Variants in IFT81 observed in about 807,000 individuals in gnomAD.
IFT81 encodes intraflagellar transport 81.
Under a neutral mutation model 102.6 loss-of-function variants are expected in IFT81, and 72 were observed. The observed-to-expected ratio is 0.70, with a 90% CI of 0.58 to 0.85. The LOEUF (loss-of-function observed/expected upper bound fraction) is 0.85. Ranked by LOEUF, IFT81 falls within the 40% of genes least tolerant of loss-of-function variation. The pLI, the probability that IFT81 is intolerant of heterozygous loss-of-function variation, is 0.00. For synonymous variants in IFT81, 237 were observed against 242.7 expected (o/e 0.98, Z 0.22); for missense variants, 723 against 787.3 (o/e 0.92, Z 0.98).
chr12:110,169,570 G>A (rs1896639736), intron 11 of IFT81, among the ~76,000 whole-genome samples: 1 of 152,134 alleles, frequency 6.6e-6, no homozygotes, highest in Admixed American at 6.6e-5. Flanking sequence ...GCTTTCTTCA[G>A]TAATGGAGCA....
At chr12:110,158,875 A>G in intron 10 of IFT81, among the ~76,000 whole-genome samples, 1 of 151,666 alleles carries the variant, frequency 6.6e-6, no homozygotes, top group Non-Finnish European at 1.5e-5. Flanking sequence ...GGCGTGAGCC[A>G]CCGCGCCCGG....
At chr12:110,216,381 A>G (rs769296249) in intron 18 of IFT81, among the ~76,000 whole-genome samples, 1 of 152,032 alleles carries the variant, frequency 6.6e-6, no homozygotes, top group Admixed American at 6.6e-5. Context: ...TTATTTTTGT[A>G]GAGACAGAGT....
chr12:110,131,721 A>G (rs1344582239), intron 4 of IFT81, among the ~76,000 whole-genome samples: 1 of 152,192 alleles, frequency 6.6e-6, no homozygotes, highest in Non-Finnish European at 1.5e-5. Flanking sequence ...AAGGGTGTAC[A>G]CAATGAATAT....
chr12:110,216,916 T>C (rs1351026272), intron 18 of IFT81: 1 of 197,402 alleles, frequency 5.1e-6, no homozygotes, highest in African/African-American at 2.4e-5. Flanking sequence ...TCTTGAGAAA[T>C]TTTTATGTAA....
At chr12:110,172,511 C>G (rs894496601) in intron 11 of IFT81, among the ~76,000 whole-genome samples, 2 of 152,140 alleles carry the variant, frequency 1.3e-5, no homozygotes, top group Admixed American at 6.6e-5. Context: ...CTCAGCCTGC[C>G]GAGTGCCTGC....
Position 110,163,080 on chromosome 12 carries a change from C to T in IFT81, c.1188+15C>T, listed in dbSNP as rs1235203137. 5.0e-6 allele frequency: 8 copies of T among 1,609,806 alleles called. No individual in the cohort carries two copies. The highest frequency in any genetic ancestry group is 6.8e-6 in the Non-Finnish European group (8 of 1,177,110). ...AGGGAGATGAGGTAAGCTGAGCCAT[C>T]TCATGGGACAAGGGTATGAGTATTG... On this transcript the variant is annotated intron_variant, in intron 11 of 18. Transcript: ENST00000242591.
intron 18 of IFT81, among the ~76,000 whole-genome samples, chr12:110,210,406 A>T (rs1473773981): frequency 6.6e-6 from 1 of 152,214 alleles, no homozygotes; most frequent in Non-Finnish European, 1.5e-5. Flanking sequence ...TCACTATACA[A>T]CATTTTTTCT....
Position 110,163,165 on chromosome 12 carries a change from G to A in IFT81, c.1188+100G>A, listed in dbSNP as rs770868036. Reference sequence around the variant, plus strand: ...TTAGTGTGAATGTTAATATTGGGACGTTAATCTTATTTTATAAAACATATT... The same window carrying A: ...TTAGTGTGAATGTTAATATTGGGACATTAATCTTATTTTATAAAACATATT... On this transcript the variant is annotated intron_variant, in intron 11 of 18. Coordinates refer to ENST00000242591, the MANE Select transcript of IFT81 (RefSeq NM_014055.4). 3.5e-5 allele frequency: 29 copies of A among 817,958 alleles called. No individual in the cohort carries two copies. The Middle Eastern group carries it at 2.2e-3, about 62-fold the overall frequency. 50.7% of individuals were successfully genotyped at this position (817,958 alleles called of 1,614,324 possible).
chr12:110,194,106 TGAAAACAGCACCAAGAGAA>T (rs1897906688), intron 14 of IFT81, among the ~76,000 whole-genome samples: 1 of 152,102 alleles, frequency 6.6e-6, no homozygotes, highest in Non-Finnish European at 1.5e-5. Flanking sequence ...CTCACTATCA[TGAAAACAGCACCAAGAGAA>T]TGGTGCTAAA....
intron 10 of IFT81, among the ~76,000 whole-genome samples, chr12:110,160,104 A>T (rs1452993255): frequency 6.6e-6 from 1 of 152,168 alleles, no homozygotes; most frequent in Admixed American, 6.5e-5. Flanking sequence ...TGTAAAATTT[A>T]TGCCTACCTA....
At position 110,180,541 on chromosome 12, in the gene IFT81, G is replaced by A. The variant is rs1173666697; in HGVS notation, c.1308G>A (p.Lys436=). The change falls in exon 12 of 19, where the codon AAG becomes AAA. Residue 436 remains lysine, a synonymous_variant. Coordinates refer to ENST00000242591, the MANE Select transcript of IFT81 (RefSeq NM_014055.4). ...TGCAGAGGACTGAAGAACTTCTTAAGCAACGTCATGAAAATATTCAACAAC... is the reference window on the plus strand; with the variant it reads ...TGCAGAGGACTGAAGAACTTCTTAAACAACGTCATGAAAATATTCAACAAC... The part of the protein sequence containing the change: ...GLLQRTEELL[K]QRHENIQQQL... 2 of 1,605,878 alleles carry A rather than the reference G, an allele frequency of 1.2e-6. No individual in the cohort carries two copies. Among genetic ancestry groups the A allele is most frequent in the Admixed American group, 1.7e-5 (1 of 59,836 alleles).
chr12:110,164,114 A>G (rs1421931917), intron 11 of IFT81, among the ~76,000 whole-genome samples: 3 of 152,206 alleles, frequency 2.0e-5, no homozygotes, highest in Admixed American at 2.0e-4. Context: ...TGGGACTGAC[A>G]TGATTAAAAT....
chr12:110,128,888 GTC>G (rs1460961325), intron 3 of IFT81, 60 bp from the exon 4 acceptor site: 6 of 1,246,596 alleles, frequency 4.8e-6, no homozygotes, highest in Admixed American at 4.4e-5. Context: ...AGAAAATGCT[GTC>G]TCTCTTCAAA....
At chr12:110,141,701 G>C (rs1233964012) in intron 8 of IFT81, among the ~76,000 whole-genome samples, 2 of 152,048 alleles carry the variant, frequency 1.3e-5, no homozygotes, top group Non-Finnish European at 1.5e-5. Flanking sequence ...CCTTAACATG[G>C]TGAAACCCTG....
In IFT81 at chr12:110,154,005, A is replaced by G. The variant is rs944409230; in HGVS notation, c.1041+6957A>G. Among the ~76,000 whole-genome samples, 24 of 150,840 alleles carry G rather than the reference A, an allele frequency of 1.6e-4. 1 individual carries two copies. Among genetic ancestry groups the G allele is most frequent in the Non-Finnish European group, 3.0e-5 (2 of 67,734 alleles). ...TCTTTGTTGGGATATTTTTTTTTAG[A>G]CAAAGTCTCGCTCTGTCACCTCGGC... On this transcript the variant is annotated intron_variant, in intron 10 of 18. Coordinates refer to ENST00000242591, the MANE Select transcript of IFT81 (RefSeq NM_014055.4).
chr12:110,134,513 C>G (rs1894366240), intron 5 of IFT81, among the ~76,000 whole-genome samples: 1 of 152,058 alleles, frequency 6.6e-6, no homozygotes, highest in South Asian at 2.1e-4. Flanking sequence ...ATGAAAATAC[C>G]ATAGCCTTAA....
intron 14 of IFT81, among the ~76,000 whole-genome samples, chr12:110,195,562 T>C (rs1050429690): frequency 3.9e-5 from 6 of 152,324 alleles, no homozygotes; most frequent in Non-Finnish European, 8.8e-5. Flanking sequence ...CCTTTCTTCT[T>C]CCTGAAGGCT....
chr12:110,137,549 C>A lies in IFT81; in HGVS notation c.781+689C>A, dbSNP rs562298098. 2.0e-5 allele frequency among the ~76,000 whole-genome samples: 3 copies of A among 152,120 alleles called. No homozygotes were observed. The South Asian group carries it at 6.2e-4, about 31-fold the overall frequency. ...AGGAGTTCGAGACCAACCTGGCCAACATGGTGAAACCCTGTTTCTACTAAA... is the reference window on the plus strand; with the variant it reads ...AGGAGTTCGAGACCAACCTGGCCAAAATGGTGAAACCCTGTTTCTACTAAA... On this transcript the variant is annotated intron_variant, in intron 8 of 18. Transcript: ENST00000242591.
At chr12:110,176,136 T>C (rs949392106) in intron 11 of IFT81, among the ~76,000 whole-genome samples, 10 of 152,222 alleles carry the variant, frequency 6.6e-5, no homozygotes, top group Admixed American at 5.9e-4. Context: ...AATCCCATCA[T>C]TGCATATCCT....
Sources: gnomAD v4.1 joint callset for allele counts (sites outside exome capture counted in the v4.1 genomes callset) on GRCh38, gnomAD v4.1.1 for gene constraint, MANE v1.5 for transcripts, NCBI Gene and HGNC (gene_info 2026-07-23, HGNC 2026-07-21) for gene names.